FGFBP1: variants seen among roughly 807,000 people sequenced by gnomAD.
The protein encoded by FGFBP1 is fibroblast growth factor binding protein 1.
Under a neutral mutation model 14.6 loss-of-function variants are expected in FGFBP1, and 12 were observed. The observed-to-expected ratio is 0.82, with a 90% CI of 0.53 to 1.33. FGFBP1 has a LOEUF of 1.33. Among genes scored for constraint, FGFBP1 ranks in the 40% most tolerant of loss-of-function variants. FGFBP1 has a pLI of 0.00. For missense variants in FGFBP1, 317 were observed against 271.8 expected (o/e 1.17, Z -1.17); for synonymous variants, 117 against 105.0 (o/e 1.11, Z -0.70).
chr4:15,938,248 T>TA lies in FGFBP1; in HGVS notation c.-21+2dup, dbSNP rs1712543273. On this transcript the variant is annotated splice_region_variant and intron_variant, in intron 2 of 2. Transcript: ENST00000382333. ...AAAGCTGTTAAAGGAGCGAGGCTCT[T>TA]ACCTTGTTCTGAGCACACGGATCCA... 6.6e-6 allele frequency: 1 copy of TA among 152,272 alleles called. No homozygotes were observed. Among genetic ancestry groups the TA allele is most frequent in the Non-Finnish European group, 1.5e-5 (1 of 68,084 alleles). The allele number at this position is 152,272 out of a possible 1,614,324, so 9.4% of individuals were successfully genotyped here.
chr4:15,936,639 A>T lies in FGFBP1; in HGVS notation c.-7T>A, dbSNP rs1393930263. On this transcript the variant is annotated 5_prime_UTR_variant, in exon 3 of 3. Transcript: ENST00000382333. ...TGAGGCTACAGATCTTCATGGCTGC[A>T]GCTGGGCGTTCACCTGTTTGACAAA... is the stretch of plus-strand genomic sequence containing the variant. 1.9e-6 allele frequency: 3 copies of T among 1,593,990 alleles called. No individual in the cohort carries two copies. The highest frequency in any genetic ancestry group is 2.6e-6 in the Non-Finnish European group (3 of 1,171,640).
Position 15,936,097 on chromosome 4 carries a change from G to T in FGFBP1, c.536C>A (p.Thr179Asn), listed in dbSNP as rs1712471222. The T allele has an allele frequency of 6.2e-7, 1 of 1,614,082 alleles. No homozygotes were observed. Residue 179 changes from threonine (T) to asparagine (N), a missense_variant, in exon 3 of 3, where the codon ACC (threonine) becomes AAC (asparagine). Coordinates refer to ENST00000382333, the MANE Select transcript of FGFBP1 (RefSeq NM_005130.5). ...SPREHIKGKE[T>N]TPSSLAVTQT... ...GGTCACTGCTAGGCTAGAGGGGGTGGTCTCTTTGCCTTTGATGTGCTCCCT... is the reference window on the plus strand; with the variant it reads ...GGTCACTGCTAGGCTAGAGGGGGTGTTCTCTTTGCCTTTGATGTGCTCCCT...
rs1305413477 is a variant in FGFBP1 at position 15,936,534 on chromosome 4, G to C, written c.99C>G (p.Ser33Arg). Residue 33 changes from serine (S) to arginine (R), a missense_variant, in exon 3 of 3, where the codon AGC (serine) becomes AGG (arginine). Coordinates refer to ENST00000382333, the MANE Select transcript of FGFBP1 (RefSeq NM_005130.5). ...TGTCCTTTTGTTCTGAGACCACTTTGCTGTGAAGTCCATTCTTCACTTTTT... is the reference window on the plus strand; with the variant it reads ...TGTCCTTTTGTTCTGAGACCACTTTCCTGTGAAGTCCATTCTTCACTTTTT... ...GKKKVKNGLH[S>R]KVVSEQKDTL... 1.2e-6 allele frequency: 2 copies of C among 1,614,026 alleles called. No individual in the cohort carries two copies. Among genetic ancestry groups the C allele is most frequent in the African/African-American group, 2.7e-5 (2 of 75,026 alleles).
rs2245964 is a variant in FGFBP1 at position 15,938,292 on chromosome 4, C to G, written c.-62G>C. 126,236 of 152,258 alleles carry G rather than the reference C, an allele frequency of 0.83. 52,717 individuals carry two copies. The highest frequency in any genetic ancestry group is 0.87 in the Non-Finnish European group (59,174 of 68,066). 9.4% of individuals were successfully genotyped at this position (152,258 alleles called of 1,614,324 possible). On this transcript the variant is annotated 5_prime_UTR_variant, in exon 2 of 3. Transcript: ENST00000382333. ...GGATCCAGTGCAATCCCAGGCAGTG[C>G]GAGTGAATTGCAGGCTGCAGCTGTG...
Position 15,936,013 on chromosome 4 carries a change from C to T in FGFBP1, c.620G>A (p.Arg207Lys), listed in dbSNP as rs1297868046. 2 of 1,614,020 alleles carry T rather than the reference C, an allele frequency of 1.2e-6. No individual in the cohort carries two copies. The highest frequency in any genetic ancestry group is 2.7e-5 in the African/African-American group (2 of 74,898). ...CVEDPDMANQ[R>K]KTALEFCGET... ...TCCACAGAACTCCAGGGCAGTCTTC[C>T]TCTGGTTTGCCATATCTGGGTCCTC... The change falls in exon 3 of 3, where the codon AGG (arginine) becomes AAG (lysine). Residue 207 changes from arginine to lysine, a missense_variant. Physicochemically the swap from Arg to Lys is conservative, Grantham distance 26 (BLOSUM62 2). Transcript: ENST00000382333.
intron 2 of FGFBP1, among the ~76,000 whole-genome samples, chr4:15,937,946 C>T (rs955336613): frequency 3.3e-5 from 5 of 152,146 alleles, no homozygotes; most frequent in African/African-American, 7.2e-5. Flanking sequence ...CCATTTAAAA[C>T]AAAACACAGA....
Position 15,935,833 on chromosome 4 carries a change from G to T in FGFBP1, c.*95C>A. ...TTCGTTGCACTCACTAAGCACAAAAGTTCATATTTTGGGGGGACTGTAGAG... is the reference window on the plus strand; with the variant it reads ...TTCGTTGCACTCACTAAGCACAAAATTTCATATTTTGGGGGGACTGTAGAG... On this transcript the variant is annotated 3_prime_UTR_variant, in exon 3 of 3. Transcript: ENST00000382333. 1 of 752,632 alleles carries T rather than the reference G, an allele frequency of 1.3e-6. No individual in the cohort carries two copies. Among genetic ancestry groups the T allele is most frequent in the Non-Finnish European group, 2.1e-6 (1 of 481,240 alleles). The allele number at this position is 752,632 out of a possible 1,614,324, so 46.6% of individuals were successfully genotyped here. A position where few individuals can be genotyped will look rare whatever the true frequency, so the allele number is the denominator to read the frequency against.
chr4:15,936,991 G>T (rs1712513117), intron 2 of FGFBP1, among the ~76,000 whole-genome samples: 1 of 152,096 alleles, frequency 6.6e-6, no homozygotes, highest in Non-Finnish European at 1.5e-5. Flanking sequence ...CACCAGACTA[G>T]GTGTTGAAGA....
chr4:15,936,058 G>A lies in FGFBP1; in HGVS notation c.575C>T (p.Thr192Ile), dbSNP rs1417293126. 6.8e-6 allele frequency: 11 copies of A among 1,614,024 alleles called. No homozygotes were observed. Among genetic ancestry groups the A allele is most frequent in the Admixed American group, 6.7e-5 (4 of 60,006 alleles). Residue 192 changes from threonine to isoleucine, a missense_variant, in exon 3 of 3, where the codon ACC (threonine) becomes ATC (isoleucine). By Grantham distance (89) the Thr-to-Ile change is moderately conservative. Transcript: ENST00000382333. Reference sequence around the variant, plus strand: ...GTCCTCCACACACTCGGGAGCTTTGGTGGCCATGGTCTGGGTCACTGCTAG... The same window carrying A: ...GTCCTCCACACACTCGGGAGCTTTGATGGCCATGGTCTGGGTCACTGCTAG... ...SSLAVTQTMA[T>I]KAPECVEDPD...
Position 15,936,380 on chromosome 4 carries a change from A to C in FGFBP1, c.253T>G (p.Cys85Gly), listed in dbSNP as rs1011052420. ...GAAAATTCATGGTCCAATTGAGTGC[A>C]CTCAACCTTGAGAGAGATGCCCTCC... ...QEEGISLKVE[C>G]TQLDHEFSCV... Residue 85 changes from cysteine to glycine, a missense_variant, in exon 3 of 3, where the codon TGC (cysteine) becomes GGC (glycine). Coordinates refer to ENST00000382333, the MANE Select transcript of FGFBP1 (RefSeq NM_005130.5). The C allele has an allele frequency of 1.9e-6, 3 of 1,614,026 alleles. No homozygotes were observed. Among genetic ancestry groups the C allele is most frequent in the African/African-American group, 1.3e-5 (1 of 74,910 alleles).
At chr4:15,937,552 A>G (rs1712527250) in intron 2 of FGFBP1, among the ~76,000 whole-genome samples, 1 of 152,198 alleles carries the variant, frequency 6.6e-6, no homozygotes, top group South Asian at 2.1e-4. Flanking sequence ...CCCATGCTTA[A>G]CAGAAGAAGA....
rs777475681 is a variant in FGFBP1, at chr4:15,936,436, G to T, written c.197C>A (p.Ala66Asp). ...CTCAGTAGCAGCCCATCTGCAGTTG[G>T]CTTGGTCTTTGGTGACAAACTTGCC... ...NKGKFVTKDQ[A>D]NCRWAATEQE... is the part of the protein sequence containing the mutation. The change falls in exon 3 of 3, where the codon GCC (alanine) becomes GAC (aspartate). Residue 66 changes from alanine (A) to aspartate (D), a missense_variant. Ala to Asp is a moderately radical substitution (Grantham distance 126). Transcript: ENST00000382333. 1.4e-5 allele frequency: 22 copies of T among 1,614,062 alleles called. No individual in the cohort carries two copies. In the African/African-American group the frequency reaches 1.7e-4, roughly 13 times the overall value.
Position 15,936,411 on chromosome 4 carries a change from C to G in FGFBP1, c.222G>C (p.Glu74Asp). The stretch of plus-strand genomic sequence containing the variant: ...CCTTGAGAGAGATGCCCTCCTCCTG[C>G]TCAGTAGCAGCCCATCTGCAGTTGG... ...DQANCRWAATEQEEGISLKVE... is the reference protein window; with the variant it reads ...DQANCRWAATDQEEGISLKVE... The change falls in exon 3 of 3, where the codon GAG becomes GAC. Residue 74 changes from glutamate to aspartate, a missense_variant. By Grantham distance (45) the Glu-to-Asp change is conservative. Coordinates refer to ENST00000382333, the MANE Select transcript of FGFBP1 (RefSeq NM_005130.5). 6.2e-7 allele frequency: 1 copy of G among 1,614,204 alleles called. No individual in the cohort carries two copies. Among genetic ancestry groups the G allele is most frequent in the Non-Finnish European group, 8.5e-7 (1 of 1,180,022 alleles).
Position 15,935,902 on chromosome 4 carries a change from A to G in FGFBP1, c.*26T>C. On this transcript the variant is annotated 3_prime_UTR_variant, in exon 3 of 3. Coordinates refer to ENST00000382333, the MANE Select transcript of FGFBP1 (RefSeq NM_005130.5). Reference sequence around the variant, plus strand: ...GGGACTTACGACATGACATCTCTTAAGGGAACCCGTTCTCTTTTGACCTCA... The same window carrying G: ...GGGACTTACGACATGACATCTCTTAGGGGAACCCGTTCTCTTTTGACCTCA... The G allele has an allele frequency of 2.0e-6, 3 of 1,477,278 alleles. No homozygotes were observed. Among genetic ancestry groups the G allele is most frequent in the Non-Finnish European group, 2.8e-6 (3 of 1,085,396 alleles). 91.5% of individuals were successfully genotyped at this position (1,477,278 alleles called of 1,614,324 possible).
rs758871522 is a variant in FGFBP1, at chr4:15,936,119, C to A, written c.514G>T (p.Glu172Ter). ...RKEKTEMSPREHIKGKETTPS... is the reference protein window; with the variant it reads ...RKEKTEMSPR ...GTGGTCTCTTTGCCTTTGATGTGCT[C>A]CCTGGGGGACATCTCTGTTTTCTCC... The change falls in exon 3 of 3, where the codon GAG (glutamate) becomes TAG (stop). Residue 172 changes from glutamate (E) to a stop codon, truncating the protein, a stop_gained. Transcript: ENST00000382333. LOFTEE classifies it high-confidence loss of function. 3.1e-6 allele frequency: 5 copies of A among 1,613,908 alleles called. No homozygotes were observed. The Admixed American group carries it at 8.3e-5, about 27-fold the overall frequency.
In FGFBP1 at chr4:15,936,332, T is replaced by C. The variant is rs1712486016; in HGVS notation, c.301A>G (p.Thr101Ala). The change falls in exon 3 of 3, where the codon ACC (threonine) becomes GCC (alanine). Residue 101 changes from threonine (T) to alanine (A), a missense_variant. By Grantham distance (58) the Thr-to-Ala change is moderately conservative (BLOSUM62 0). Transcript: ENST00000382333. ...TCATCCTTGAGCTTTAGGCATGAGG[T>C]TGGATTGCCAGCAAAGACACAGGAA... ...EFSCVFAGNPTSCLKLKDERV... is the reference protein window; with the variant it reads ...EFSCVFAGNPASCLKLKDERV... The C allele has an allele frequency of 2.5e-6, 4 of 1,614,062 alleles. No homozygotes were observed. In the East Asian group the frequency reaches 6.7e-5, roughly 27 times the overall value.
Position 15,936,543 on chromosome 4 carries a change from T to G in FGFBP1, c.90A>C (p.Gly30=). 1 of 1,613,886 alleles carries G rather than the reference T, an allele frequency of 6.2e-7. No individual in the cohort carries two copies. The highest frequency in any genetic ancestry group is 1.1e-5 in the South Asian group (1 of 91,074). ...LVEGKKKVKN[G]LHSKVVSEQK... is the part of the protein sequence containing the mutation. ...GTTCTGAGACCACTTTGCTGTGAAG[T>G]CCATTCTTCACTTTTTTTTTCCCCT... is the stretch of plus-strand genomic sequence containing the variant. Residue 30 remains glycine (G), a synonymous_variant, in exon 3 of 3, where the codon GGA becomes GGC. Transcript: ENST00000382333.
intron 2 of FGFBP1, 96 bp from the exon 3 acceptor site, chr4:15,936,748 G>T: frequency 1.4e-5 from 10 of 707,520 alleles, no homozygotes; most frequent in Non-Finnish European, 2.1e-5. Flanking sequence ...GTGCCTACAT[G>T]ATTTCAGAGT....
intron 1 of FGFBP1, 70 bp from the exon 2 acceptor site, chr4:15,938,541 T>A (rs1269803011): frequency 6.6e-6 from 1 of 152,480 alleles, no homozygotes. Context: ...CCCTTCCCTG[T>A]CCACCCTGTG....
Sources: allele counts gnomAD v4.1 joint callset (sites outside exome capture counted in the v4.1 genomes callset), GRCh38; gene constraint gnomAD v4.1.1; transcripts MANE v1.5; gene names NCBI Gene and HGNC (gene_info 2026-07-23, HGNC 2026-07-21).